The following ACSM2A variants were observed in gnomAD, a reference collection of about 807,000 sequenced individuals.
ACSM2A encodes acyl-coenzyme A synthetase ACSM2A, mitochondrial.
In ACSM2A, 72 loss-of-function variants were observed where a neutral mutation model predicts 76.6. That is an observed-to-expected ratio of 0.94 (90% CI 0.78 to 1.14). ACSM2A has a LOEUF of 1.14. Ranked by LOEUF, ACSM2A falls within the 50% of genes most tolerant of loss-of-function variation. ACSM2A has a pLI of 0.00. For synonymous variants in ACSM2A, 249 were observed against 255.9 expected (o/e 0.97, Z 0.26); for missense variants, 684 against 708.5 (o/e 0.97, Z 0.39).
rs185562280 is a variant in ACSM2A, at chr16:20,453,562, T to A, written c.-9+1881T>A. On this transcript the variant is annotated intron_variant, in intron 1 of 13. Transcript: ENST00000573854. ...GTAAAACATGTGTGTTTGAACAATA[T>A]GAAATCAGTATACCTGGAAAAAGAA... 3.2e-5 allele frequency: 4 copies of A among 125,948 alleles called. 1 individual carries two copies. The highest frequency in any genetic ancestry group is 6.6e-5 in the African/African-American group (2 of 30,530). The allele number at this position is 125,948 out of a possible 1,614,324, so 7.8% of individuals were successfully genotyped here. A position where few individuals can be genotyped will look rare whatever the true frequency, so the allele number is the denominator to read the frequency against.
intron 8 of ACSM2A, chr16:20,476,063 G>A (rs140718178): frequency 9.4e-7 from 1 of 1,064,856 alleles, no homozygotes; most frequent in South Asian, 2.2e-5. Context: ...AAGTAAAGTA[G>A]ATGACATGGG....
rs139295953 is a variant in ACSM2A, at chr16:20,477,295, G to A, written c.1099-74G>A. On this transcript the variant is annotated intron_variant, in intron 8 of 13. Transcript: ENST00000573854. ...TCAGGACAGTGTCAGGACCTGCTCT[G>A]CAGAAATTTTTTCTTTTTCTGTGAC... 1.8e-5 allele frequency: 28 copies of A among 1,566,192 alleles called. No homozygotes were observed. The African/African-American group carries it at 2.6e-4, about 14-fold the overall frequency.
chr16:20,465,672 G>T lies in ACSM2A; in HGVS notation c.333G>T (p.Val111=). Reference sequence around the variant, plus strand: ...TGCAGCGTGGGGATCGTGTGGCAGTGGTGCTGCCCCGAGTGCCTGAGTGGT... The same window carrying T: ...TGCAGCGTGGGGATCGTGTGGCAGTTGTGCTGCCCCGAGTGCCTGAGTGGT... ...CGLQRGDRVA[V]VLPRVPEWWL... The change falls in exon 3 of 14, where the codon GTG becomes GTT. Residue 111 remains valine, a synonymous_variant. Transcript: ENST00000573854. 2 of 1,614,016 alleles carry T rather than the reference G, an allele frequency of 1.2e-6. No individual in the cohort carries two copies. Among genetic ancestry groups the T allele is most frequent in the Non-Finnish European group, 1.7e-6 (2 of 1,179,880 alleles).
rs937398477 is a variant in ACSM2A, at chr16:20,476,232, C to T, written c.1098+459C>T. The T allele has an allele frequency of 4.0e-6, 4 of 997,196 alleles. No individual in the cohort carries two copies. The African/African-American group carries it at 5.2e-5, about 13-fold the overall frequency. The allele number at this position is 997,196 out of a possible 1,614,324, so 61.8% of individuals were successfully genotyped here. A position where few individuals can be genotyped will look rare whatever the true frequency, so the allele number is the denominator to read the frequency against. On this transcript the variant is annotated intron_variant, in intron 8 of 13. Transcript: ENST00000573854. Reference sequence around the variant, plus strand: ...AGAAGAACCCACCATGACTTTACTGCACCTCCTGACATATCTTCTTGGAAC... The same window carrying T: ...AGAAGAACCCACCATGACTTTACTGTACCTCCTGACATATCTTCTTGGAAC...
In ACSM2A at chr16:20,475,390, T is replaced by G; in HGVS notation, c.923T>G (p.Met308Arg). Reference sequence around the variant, plus strand: ...CTCTCCAGTTATCCAATCAAGAGTATGATGGGTGCCCCCATTGTTTACCGG... The same window carrying G: ...CTCTCCAGTTATCCAATCAAGAGTAGGATGGGTGCCCCCATTGTTTACCGG... ...KTLSSYPIKS[M>R]MGAPIVYRML... The change falls in exon 7 of 14, where the codon ATG (methionine) becomes AGG (arginine). Residue 308 changes from methionine (M) to arginine (R), a missense_variant. Around this residue, in one of 3 missense-constraint regions of ACSM2A, gnomAD observed 519 missense variants for 549.5 expected, o/e 0.94. Transcript: ENST00000573854. 1 of 1,613,808 alleles carries G rather than the reference T, an allele frequency of 6.2e-7. No homozygotes were observed.
At chr16:20,467,474 A>G (rs1465235441) in intron 3 of ACSM2A, among the ~76,000 whole-genome samples, 1 of 152,178 alleles carries the variant, frequency 6.6e-6, no homozygotes, top group Non-Finnish European at 1.5e-5. Context: ...GGGGTTGGAA[A>G]TCTCAGATAA....
At chr16:20,473,031 G>T (rs751181879) in intron 6 of ACSM2A, among the ~76,000 whole-genome samples, 1 of 152,108 alleles carries the variant, frequency 6.6e-6, no homozygotes, top group East Asian at 1.9e-4. Flanking sequence ...TAGCAACAAA[G>T]CAATGAAAAT....
chr16:20,471,288 A>G (rs1166769540), intron 5 of ACSM2A, 72 bp downstream of exon 5: 2 of 1,569,914 alleles, frequency 1.3e-6, no homozygotes, highest in East Asian at 2.3e-5. Context: ...AGACCCAATT[A>G]TATATTAAGT....
At chr16:20,476,416 CTT>C (rs2013741323) in intron 8 of ACSM2A, 1 of 985,560 alleles carries the variant, frequency 1.0e-6, no homozygotes, top group Non-Finnish European at 1.2e-6. Context: ...TCTCCACTCT[CTT>C]ACCCTGCATC....
chr16:20,478,506 C>G, intron 9 of ACSM2A, 70 bp from the exon 10 acceptor site: 4 of 1,546,568 alleles, frequency 2.6e-6, no homozygotes, highest in Non-Finnish European at 2.6e-6. Flanking sequence ...ACCAATTCAG[C>G]AATCTCATGA....
chr16:20,458,491 A>C (rs2012343556), intron 1 of ACSM2A, among the ~76,000 whole-genome samples: 1 of 145,588 alleles, frequency 6.9e-6, no homozygotes, highest in Non-Finnish European at 1.5e-5. Context: ...TTATTATATA[A>C]TACATAATAT....
chr16:20,469,475 C>A (rs1012469251), intron 3 of ACSM2A, 37 bp from the exon 4 acceptor site: 3 of 1,610,298 alleles, frequency 1.9e-6, no homozygotes, highest in Non-Finnish European at 2.5e-6. Context: ...CAAAGAAAAT[C>A]ATCCTTTCCA....
intron 1 of ACSM2A, among the ~76,000 whole-genome samples, chr16:20,457,196 A>T (rs1176812755): frequency 6.6e-6 from 1 of 151,888 alleles, no homozygotes; most frequent in African/African-American, 2.4e-5. Context: ...GACAACAAAA[A>T]AGCCATGACC....
In ACSM2A at chr16:20,483,098, C is replaced by T. The variant is rs1214163807; in HGVS notation, c.1550C>T (p.Ser517Phe). The part of the protein sequence containing the change: ...AFVVLASQFL[S>F]HDPEQLTKEL... ...GTGGTCCTGGCCTCGCAGTTCCTGT[C>T]CCATGACCCAGAACAGCTCACCAAG... Residue 517 changes from serine to phenylalanine, a missense_variant, in exon 13 of 14, where the codon TCC (serine) becomes TTC (phenylalanine). By Grantham distance (155) the Ser-to-Phe change is radical. Transcript: ENST00000573854. 6.2e-7 allele frequency: 1 copy of T among 1,614,070 alleles called. No homozygotes were observed. The highest frequency in any genetic ancestry group is 1.1e-5 in the South Asian group (1 of 91,078).
chr16:20,461,691 A>G (rs1358325661), intron 2 of ACSM2A, among the ~76,000 whole-genome samples: 1 of 152,198 alleles, frequency 6.6e-6, no homozygotes, highest in African/African-American at 2.4e-5. Flanking sequence ...TGGCCATTAA[A>G]TATAAAAATT....
At chr16:20,465,488 C>G (rs373462356) in intron 2 of ACSM2A, 29 bp from the exon 3 acceptor site, 1 of 1,612,158 alleles carries the variant, frequency 6.2e-7, no homozygotes, top group Non-Finnish European at 8.5e-7. Flanking sequence ...ACCAATGCCC[C>G]CTGATCAACA....
rs1273899487 is a variant in ACSM2A at position 20,471,121 on chromosome 16, A to C, written c.645A>C (p.Ala215=). The C allele has an allele frequency of 4.3e-6, 7 of 1,613,626 alleles. No individual in the cohort carries two copies. Among genetic ancestry groups the C allele is most frequent in the Non-Finnish European group, 5.9e-6 (7 of 1,179,726 alleles). The change falls in exon 5 of 14, where the codon GCA becomes GCC. Residue 215 remains alanine (A), a synonymous_variant. Coordinates refer to ENST00000573854, the MANE Select transcript of ACSM2A (RefSeq NM_001308172.2). ...HHCVETGSQE[A]SAIYFTSGTS... is the part of the protein sequence containing the mutation. ...GTGTGGAGACTGGAAGCCAGGAAGC[A>C]TCTGCCATCTACTTCACTAGTGGGA...
chr16:20,470,999 G>A, intron 4 of ACSM2A, 74 bp from the exon 5 acceptor site: 1 of 1,593,934 alleles, frequency 6.3e-7, no homozygotes, highest in Non-Finnish European at 8.6e-7. Flanking sequence ...AGTGGGTGGT[G>A]GGAAAAGATG....
At chr16:20,471,003 A>G in intron 4 of ACSM2A, 70 bp from the exon 5 acceptor site, 1 of 1,600,388 alleles carries the variant, frequency 6.2e-7, no homozygotes, top group Admixed American at 1.7e-5. Context: ...GGTGGTGGGA[A>G]AAGATGGGTC....
Sources: allele counts gnomAD v4.1 joint callset (sites outside exome capture counted in the v4.1 genomes callset), GRCh38; gene constraint gnomAD v4.1.1; regional missense constraint gnomAD v4.1.1; transcripts MANE v1.5; gene names NCBI Gene and HGNC (gene_info 2026-07-23, HGNC 2026-07-21).